FSTL5: variants seen among roughly 807,000 people sequenced by gnomAD.
FSTL5 encodes follistatin-related protein 5.
A neutral mutation model predicts 89.1 loss-of-function variants in FSTL5; 62 were observed. The ratio of observed to expected loss-of-function variants is 0.70; its 90% CI spans 0.57 to 0.86. FSTL5 has a LOEUF of 0.86. Among genes scored for constraint, FSTL5 ranks in the 40% least tolerant of loss-of-function variants. FSTL5 has a pLI of 0.00. For missense variants in FSTL5, 1,057 were observed against 1,001.6 expected, an observed-to-expected ratio of 1.06 and a Z score of -0.75; for synonymous variants, 383 against 346.2, an observed-to-expected ratio of 1.11 and a Z score of -1.18.
chr4:161,504,901 T>G (rs1323620458), intron 11 of FSTL5, among the ~76,000 whole-genome samples: 1 of 152,090 alleles, frequency 6.6e-6, no homozygotes, highest in African/African-American at 2.4e-5. Flanking sequence ...GATTAATTTC[T>G]GATCATTGGA....
chr4:161,531,436 A>T (rs1731408124), intron 10 of FSTL5, among the ~76,000 whole-genome samples: 1 of 152,082 alleles, frequency 6.6e-6, no homozygotes, highest in South Asian at 2.1e-4. Flanking sequence ...TGTGTTATTT[A>T]CCCCCAAAGT....
chr4:161,386,579 A>G (rs1463918604), intron 15 of FSTL5, 130 bp from the exon 16 acceptor site: 8 of 624,530 alleles, frequency 1.3e-5, no homozygotes, highest in Non-Finnish European at 2.3e-5. Context: ...TTGTGTTACA[A>G]TTGTGCTAGA....
intron 3 of FSTL5, among the ~76,000 whole-genome samples, chr4:162,030,943 T>C (rs1418244849): frequency 2.0e-5 from 3 of 152,162 alleles, no homozygotes; most frequent in Non-Finnish European, 4.4e-5. Context: ...AAGGAAAACA[T>C]TGTCTAATAA....
At chr4:162,144,082 T>C (rs1732874987) in intron 1 of FSTL5, among the ~76,000 whole-genome samples, 1 of 152,144 alleles carries the variant, frequency 6.6e-6, no homozygotes, top group Non-Finnish European at 1.5e-5. Flanking sequence ...GCTTTAGTTA[T>C]AGCACAGCAA....
intron 8 of FSTL5, among the ~76,000 whole-genome samples, chr4:161,552,135 C>A (rs1194618875): frequency 4.0e-5 from 6 of 151,772 alleles, no homozygotes; most frequent in East Asian, 1.9e-4. Flanking sequence ...TTATGGTAAA[C>A]CCACATCACT....
At chr4:161,909,834 G>A (rs991265612) in intron 4 of FSTL5, among the ~76,000 whole-genome samples, 6 of 151,992 alleles carry the variant, frequency 3.9e-5, no homozygotes, top group East Asian at 3.9e-4. Context: ...TCCTCTTGCC[G>A]GATAATTTTT....
intron 5 of FSTL5, among the ~76,000 whole-genome samples, chr4:161,768,467 G>A (rs1044466972): frequency 1.3e-5 from 2 of 151,930 alleles, no homozygotes; most frequent in Non-Finnish European, 2.9e-5. Context: ...TTCGACTTGA[G>A]AGACAGACTT....
chr4:161,658,302 T>G (rs1162938106), intron 6 of FSTL5, among the ~76,000 whole-genome samples: 2 of 150,678 alleles, frequency 1.3e-5, no homozygotes, highest in Non-Finnish European at 3.0e-5. Context: ...CTACTAAAAA[T>G]AGAAAAAAAA....
intron 2 of FSTL5, among the ~76,000 whole-genome samples, chr4:162,108,982 G>GTA (rs1350631388): frequency 6.6e-6 from 1 of 151,990 alleles, no homozygotes; most frequent in East Asian, 1.9e-4. Flanking sequence ...AATACGTAAA[G>GTA]TATATGTCTT....
intron 1 of FSTL5, among the ~76,000 whole-genome samples, chr4:162,143,987 A>G (rs1328271434): frequency 2.0e-5 from 3 of 152,158 alleles, no homozygotes; most frequent in Non-Finnish European, 4.4e-5. Flanking sequence ...AAAAAAGCTC[A>G]AGATATTGAA....
chr4:161,868,724 A>G (rs1671744540), intron 4 of FSTL5, among the ~76,000 whole-genome samples: 1 of 152,196 alleles, frequency 6.6e-6, no homozygotes, highest in Non-Finnish European at 1.5e-5. Flanking sequence ...TTAATGCTAC[A>G]TTATCTCACA....
chr4:162,107,637 A>G (rs1731275455), intron 2 of FSTL5, among the ~76,000 whole-genome samples: 2 of 152,190 alleles, frequency 1.3e-5, no homozygotes, highest in African/African-American at 2.4e-5. Context: ...AGGAGAAGAC[A>G]TTCATTTCAG....
At chr4:161,416,169 G>A (rs563103845) in intron 15 of FSTL5, among the ~76,000 whole-genome samples, 1 of 152,092 alleles carries the variant, frequency 6.6e-6, no homozygotes, top group Non-Finnish European at 1.5e-5. Context: ...AAATTAAAAA[G>A]CTCCATGTGA....
At chr4:161,943,086 T>C (rs958688934) in intron 3 of FSTL5, among the ~76,000 whole-genome samples, 1 of 151,918 alleles carries the variant, frequency 6.6e-6, no homozygotes, top group Non-Finnish European at 1.5e-5. Flanking sequence ...TACAGTAGCA[T>C]GGAAAAGAAT....
At chr4:161,510,127 C>T (rs573045512) in intron 11 of FSTL5, among the ~76,000 whole-genome samples, 1 of 152,130 alleles carries the variant, frequency 6.6e-6, no homozygotes, top group South Asian at 2.1e-4. Context: ...ACTGAGATTG[C>T]TTTTGTTTCT....
intron 7 of FSTL5, among the ~76,000 whole-genome samples, chr4:161,605,880 G>A (rs1182781456): frequency 6.7e-6 from 1 of 150,212 alleles, no homozygotes; most frequent in Non-Finnish European, 1.5e-5. Context: ...TATGTGCTGC[G>A]CTGTGTTAAT....
At chr4:161,630,202 A>C (rs1735457758) in intron 7 of FSTL5, among the ~76,000 whole-genome samples, 1 of 152,150 alleles carries the variant, frequency 6.6e-6, no homozygotes, top group Admixed American at 6.6e-5. Context: ...GAGGTGACTC[A>C]CCATGTTTAT....
intron 6 of FSTL5, among the ~76,000 whole-genome samples, chr4:161,695,423 A>ATGTGTGTGTGTGTG (rs1738107661): frequency 4.3e-5 from 1 of 23,478 alleles, no homozygotes; most frequent in Non-Finnish European, 1.2e-4. Context: ...TCCATGGTGT[A>ATGTGTGTGTGTGTG]CGTGTGTGTG....
intron 4 of FSTL5, among the ~76,000 whole-genome samples, chr4:161,884,166 C>G (rs1435201930): frequency 6.6e-6 from 1 of 152,100 alleles, no homozygotes; most frequent in Non-Finnish European, 1.5e-5. Context: ...TCTCCTGCCT[C>G]AGCCTCCTGA....
Sources: allele counts gnomAD v4.1 joint callset (sites outside exome capture counted in the v4.1 genomes callset), GRCh38; gene constraint gnomAD v4.1.1; transcripts MANE v1.5; gene names NCBI Gene and HGNC (gene_info 2026-07-23, HGNC 2026-07-21).